The following CDC27 variants were observed in gnomAD, a reference collection of about 807,000 sequenced individuals.
CDC27 encodes cell division cycle 27, also known as cell division cycle protein 27 homolog.
Under a neutral mutation model 109.7 loss-of-function variants are expected in CDC27, and 27 were observed. That is an observed-to-expected ratio of 0.25 (90% CI 0.18 to 0.34). The LOEUF (loss-of-function observed/expected upper bound fraction) is 0.34, where lower values mean the gene tolerates loss of function less well. Among genes scored for constraint, CDC27 ranks in the 10% least tolerant of loss-of-function variants. The pLI, the probability that CDC27 is intolerant of heterozygous loss-of-function variation, is 1.00. For missense variants in CDC27, 579 were observed against 960.2 expected, an observed-to-expected ratio of 0.60 and a Z score of 5.25; for synonymous variants, 266 against 333.9, an observed-to-expected ratio of 0.80 and a Z score of 2.22.
intron 9 of CDC27, among the ~76,000 whole-genome samples, chr17:47,148,627 G>A (rs540332169): frequency 1.2e-4 from 19 of 152,224 alleles, no homozygotes; most frequent in Non-Finnish European, 2.2e-4. Flanking sequence ...CATCATAATC[G>A]AATTGCTTAA....
chr17:47,125,215 C>G (rs1388197460), intron 16 of CDC27, among the ~76,000 whole-genome samples: 1 of 144,768 alleles, frequency 6.9e-6, no homozygotes, highest in Non-Finnish European at 1.5e-5. Context: ...CCACTGCACC[C>G]GGCCTTACTT....
intron 9 of CDC27, among the ~76,000 whole-genome samples, chr17:47,149,004 G>C (rs754681505): frequency 3.4e-5 from 5 of 147,926 alleles, no homozygotes; most frequent in Non-Finnish European, 7.5e-5. Context: ...GCTTGAACTC[G>C]GGAAGCAGAG....
At chr17:47,155,375 A>T (rs2063272475) in intron 7 of CDC27, among the ~76,000 whole-genome samples, 1 of 152,046 alleles carries the variant, frequency 6.6e-6, no homozygotes, top group Admixed American at 6.6e-5. Flanking sequence ...CCCCCAAAGT[A>T]CCTGGGATTA....
intron 2 of CDC27, among the ~76,000 whole-genome samples, chr17:47,176,466 A>G (rs1206458277): frequency 1.3e-5 from 2 of 152,212 alleles, no homozygotes; most frequent in African/African-American, 2.4e-5. Context: ...GCTCTTAAGT[A>G]TTTTAAAACC....
chr17:47,151,777 A>G, intron 9 of CDC27, 29 bp downstream of exon 9: 1 of 1,495,066 alleles, frequency 6.7e-7, no homozygotes, highest in Non-Finnish European at 9.0e-7. Flanking sequence ...TTATGCCAAG[A>G]AAAGTTGAAT....
intron 1 of CDC27, among the ~76,000 whole-genome samples, chr17:47,185,997 T>C (rs1439049950): frequency 6.6e-6 from 1 of 152,240 alleles, no homozygotes; most frequent in African/African-American, 2.4e-5. Flanking sequence ...CATTCTACAA[T>C]GCACAGCTTC....
intron 3 of CDC27, 89 bp from the exon 4 acceptor site, chr17:47,170,131 T>C (rs889539481): frequency 2.0e-6 from 2 of 1,005,090 alleles, no homozygotes; most frequent in Non-Finnish European, 2.8e-6. Context: ...TGCATCTAAC[T>C]ATGGAGACAC....
chr17:47,121,027 T>A lies in CDC27; in HGVS notation c.2393-10A>T. The A allele has an allele frequency of 1.3e-6, 2 of 1,593,844 alleles. No homozygotes were observed. Among genetic ancestry groups the A allele is most frequent in the Non-Finnish European group, 1.7e-6 (2 of 1,164,152 alleles). Reference sequence around the variant, plus strand: ...GATTCATCTGTTCCCACTTTAAAAATAAAACAGAAGTCCACAGTAAGTTTT... The same window carrying A: ...GATTCATCTGTTCCCACTTTAAAAAAAAAACAGAAGTCCACAGTAAGTTTT... On this transcript the variant is annotated splice_polypyrimidine_tract_variant and intron_variant, in intron 18 of 18. Transcript: ENST00000066544.
intron 12 of CDC27, among the ~76,000 whole-genome samples, chr17:47,141,379 G>C (rs1188879537): frequency 6.6e-6 from 1 of 152,034 alleles, no homozygotes; most frequent in Non-Finnish European, 1.5e-5. Context: ...GATAACTTAA[G>C]CAACAAATTT....
intron 4 of CDC27, among the ~76,000 whole-genome samples, chr17:47,168,850 T>C (rs1244363987): frequency 3.9e-5 from 6 of 152,084 alleles, no homozygotes; most frequent in African/African-American, 1.4e-4. Context: ...AGCCTCAATT[T>C]ATCTTAAAAC....
chr17:47,122,710 AT>A, intron 17 of CDC27, 110 bp from the exon 18 acceptor site: 1 of 782,368 alleles, frequency 1.3e-6, no homozygotes, highest in Non-Finnish European at 1.8e-6. Context: ...GTCTCACTCT[AT>A]TACCCAGGCT....
chr17:47,178,634 C>T (rs1422249727), intron 2 of CDC27, among the ~76,000 whole-genome samples: 1 of 150,916 alleles, frequency 6.6e-6, no homozygotes, highest in African/African-American at 2.4e-5. Context: ...TTTCTATGTG[C>T]CAGAAACTAC....
chr17:47,140,950 C>T (rs2062775639), intron 12 of CDC27, among the ~76,000 whole-genome samples: 1 of 152,200 alleles, frequency 6.6e-6, no homozygotes, highest in Non-Finnish European at 1.5e-5. Context: ...AACAAAAACA[C>T]CATACTTCAT....
intron 2 of CDC27, 42 bp from the exon 3 acceptor site, chr17:47,172,106 T>C (rs770264389): frequency 1.9e-5 from 26 of 1,356,956 alleles, no homozygotes; most frequent in Non-Finnish European, 2.2e-5. Flanking sequence ...GTTCAGTATA[T>C]TGAATGATAA....
At chr17:47,141,344 A>G (rs566631260) in intron 12 of CDC27, among the ~76,000 whole-genome samples, 81 of 152,264 alleles carry the variant, frequency 5.3e-4, no homozygotes, top group African/African-American at 1.9e-3. Context: ...TAGGTTAATC[A>G]TTCTCTCCTT....
chr17:47,128,339 AT>A (rs2062213227), intron 16 of CDC27, among the ~76,000 whole-genome samples: 1 of 151,366 alleles, frequency 6.6e-6, no homozygotes, highest in African/African-American at 2.5e-5. Flanking sequence ...CCCTGAATTT[AT>A]TTTAAAAGAT....
intron 8 of CDC27, among the ~76,000 whole-genome samples, chr17:47,152,407 C>A (rs2063178677): frequency 6.6e-6 from 1 of 152,064 alleles, no homozygotes; most frequent in Non-Finnish European, 1.5e-5. Context: ...AAAAAAACAA[C>A]CATCTGATTA....
chr17:47,141,850 T>C lies in CDC27; in HGVS notation c.1551+3A>G, dbSNP rs753873558. ...GGCATATATAACCATTTTCTATACT[T>C]ACTTGCATGTACTCTGAAAGTTCAA... On this transcript the variant is annotated splice_donor_region_variant and intron_variant, in intron 12 of 18. Transcript: ENST00000066544. 1.3e-6 allele frequency: 2 copies of C among 1,570,296 alleles called. No individual in the cohort carries two copies. Among genetic ancestry groups the C allele is most frequent in the African/African-American group, 1.4e-5 (1 of 72,698 alleles).
At chr17:47,157,179 A>C in intron 6 of CDC27, 51 bp downstream of exon 6, 1 of 1,560,326 alleles carries the variant, frequency 6.4e-7, no homozygotes, top group Non-Finnish European at 8.8e-7. Context: ...AGTTCAGATC[A>C]TTCTTTGTAG....
Sources: allele counts gnomAD v4.1 joint callset (sites outside exome capture counted in the v4.1 genomes callset), GRCh38; gene constraint gnomAD v4.1.1; transcripts MANE v1.5; gene names NCBI Gene and HGNC (gene_info 2026-07-23, HGNC 2026-07-21).